DLC1: variants seen among roughly 807,000 people sequenced by gnomAD.
DLC1 encodes the protein DLC1 Rho GTPase activating protein.
DLC1 carries 54 observed loss-of-function variants against 140.3 expected under a neutral mutation model. The ratio of observed to expected loss-of-function variants is 0.38; its 90% CI spans 0.31 to 0.48. The LOEUF (loss-of-function observed/expected upper bound fraction) is 0.48, where lower values mean the gene tolerates loss of function less well. Among genes scored for constraint, DLC1 ranks in the 20% least tolerant of loss-of-function variants. The probability of loss-of-function intolerance (pLI) is 0.96; values close to 1 mark genes in which losing one functional copy is unlikely to be tolerated. For missense variants in DLC1, 2,536 were observed against 1,907.0 expected (o/e 1.33, Z -6.14); for synonymous variants, 986 against 728.1 (o/e 1.35, Z -5.70).
chr8:13,334,193 T>C (rs148784167), intron 4 of DLC1, among the ~76,000 whole-genome samples: 59 of 152,100 alleles, frequency 3.9e-4, no homozygotes, highest in African/African-American at 1.3e-3. Flanking sequence ...GGAGATAGCA[T>C]TGCAAGCAGT....
intron 5 of DLC1, among the ~76,000 whole-genome samples, chr8:13,177,029 T>C (rs1013135852): frequency 6.6e-6 from 1 of 152,234 alleles, no homozygotes; most frequent in Non-Finnish European, 1.5e-5. Flanking sequence ...TTGAATCTAA[T>C]CTAAACTATC....
chr8:13,316,235 G>A (rs1832855284), intron 4 of DLC1, among the ~76,000 whole-genome samples: 1 of 152,308 alleles, frequency 6.6e-6, no homozygotes, highest in East Asian at 1.9e-4. Flanking sequence ...GCAGCAGCCT[G>A]TAGGACTCAC....
chr8:13,531,389 C>A (rs1450976705), intron 1 of DLC1, among the ~76,000 whole-genome samples: 1 of 152,096 alleles, frequency 6.6e-6, no homozygotes, highest in South Asian at 2.1e-4. Context: ...AGTTCAAGAC[C>A]AGCCTGGCCA....
At chr8:13,549,368 G>A (rs1243289192) in intron 1 of DLC1, among the ~76,000 whole-genome samples, 2 of 152,116 alleles carry the variant, frequency 1.3e-5, no homozygotes, top group Admixed American at 6.6e-5. Flanking sequence ...ACTACAAGCT[G>A]TATTAGAAAG....
At chr8:13,377,937 C>T (rs893408657) in intron 4 of DLC1, among the ~76,000 whole-genome samples, 2 of 151,418 alleles carry the variant, frequency 1.3e-5, no homozygotes, top group Non-Finnish European at 3.0e-5. Flanking sequence ...AAGCAAGGTA[C>T]TACTACACTT....
chr8:13,331,120 G>A (rs151108173), intron 4 of DLC1, among the ~76,000 whole-genome samples: 1 of 152,260 alleles, frequency 6.6e-6, no homozygotes, highest in African/African-American at 2.4e-5. Context: ...GTCTCTTATT[G>A]CAGCCTTCTA....
chr8:13,386,220 T>C (rs1261015065), intron 4 of DLC1, among the ~76,000 whole-genome samples: 1 of 152,198 alleles, frequency 6.6e-6, no homozygotes, highest in Non-Finnish European at 1.5e-5. Flanking sequence ...TTTTAAATAT[T>C]ATTTCTTATG....
At chr8:13,123,548 G>A (rs1004563786) in intron 5 of DLC1, among the ~76,000 whole-genome samples, 8 of 147,972 alleles carry the variant, frequency 5.4e-5, no homozygotes, top group South Asian at 2.1e-4. Context: ...TGGTTTCACC[G>A]TGGTGGTCAG....
chr8:13,524,614 C>T (rs765868177), intron 1 of DLC1, among the ~76,000 whole-genome samples: 8 of 152,074 alleles, frequency 5.3e-5, no homozygotes, highest in Non-Finnish European at 1.0e-4. Flanking sequence ...AAACATGATA[C>T]ATCTGGGTGC....
At position 13,088,526 on chromosome 8, in the gene DLC1, C is replaced by T. The variant is rs1010305420; in HGVS notation, c.4253G>A (p.Ser1418Asn). 6 of 1,614,112 alleles carry T rather than the reference C, an allele frequency of 3.7e-6. No homozygotes were observed. The highest frequency in any genetic ancestry group is 5.1e-6 in the Non-Finnish European group (6 of 1,180,050). Residue 1418 changes from serine (S) to asparagine (N), a missense_variant, in exon 16 of 18, where the codon AGT (serine) becomes AAT (asparagine). Physicochemically the swap from Ser to Asn is conservative, Grantham distance 46. Coordinates refer to ENST00000276297, the MANE Select transcript of DLC1 (RefSeq NM_182643.3). ...QTEIYQYVQN[S>N]MAPHPARDYV... ...GTCTCGAGCAGGATGAGGTGCCATA[C>T]TGTTTTGGACATACTGGTAAATTTC... is the stretch of plus-strand genomic sequence containing the variant.
intron 2 of DLC1, among the ~76,000 whole-genome samples, chr8:13,494,051 G>C (rs1473812817): frequency 6.6e-5 from 10 of 152,152 alleles, no homozygotes; most frequent in Non-Finnish European, 1.3e-4. Flanking sequence ...TATGAGAAAT[G>C]ATATAGCATC....
intron 5 of DLC1, among the ~76,000 whole-genome samples, chr8:13,160,937 C>A (rs569833693): frequency 3.9e-5 from 6 of 152,166 alleles, no homozygotes; most frequent in African/African-American, 1.4e-4. Flanking sequence ...AAAAATTAGC[C>A]AGGTGTGGTG....
intron 16 of DLC1, 80 bp from the exon 17 acceptor site, chr8:13,086,543 T>A: frequency 6.5e-7 from 1 of 1,535,860 alleles, no homozygotes. Flanking sequence ...TCTTCACTAT[T>A]TGCAGTGTGG....
chr8:13,237,719 G>A (rs1184382718), intron 5 of DLC1, among the ~76,000 whole-genome samples: 1 of 152,032 alleles, frequency 6.6e-6, no homozygotes, highest in Non-Finnish European at 1.5e-5. Context: ...ATGCTATTCC[G>A]GGAGATGGTC....
chr8:13,418,438 G>A (rs1195143235), intron 2 of DLC1, among the ~76,000 whole-genome samples: 1 of 152,156 alleles, frequency 6.6e-6, no homozygotes, highest in Non-Finnish European at 1.5e-5. Flanking sequence ...CATAAGGCTA[G>A]CCAGTTTTCC....
intron 5 of DLC1, 80 bp downstream of exon 5, chr8:13,305,189 A>T: frequency 6.4e-7 from 1 of 1,556,704 alleles, no homozygotes; most frequent in East Asian, 2.3e-5. Flanking sequence ...CATTTTATAT[A>T]TTTAATAAAA....
intron 3 of DLC1, 62 bp from the exon 4 acceptor site, chr8:13,393,755 C>A (rs1022100646): frequency 2.2e-5 from 35 of 1,559,120 alleles, no homozygotes; most frequent in Non-Finnish European, 3.0e-5. Flanking sequence ...GCCCTTCTTC[C>A]TACCACCAGA....
intron 4 of DLC1, among the ~76,000 whole-genome samples, chr8:13,330,878 G>T (rs187712992): frequency 4.3e-4 from 65 of 152,290 alleles, no homozygotes; most frequent in Admixed American, 2.1e-3. Context: ...GTGGAAACAG[G>T]TTAGCCTTAT....
chr8:13,386,444 C>T (rs915256469), intron 4 of DLC1, among the ~76,000 whole-genome samples: 9 of 152,038 alleles, frequency 5.9e-5, no homozygotes, highest in Admixed American at 1.3e-4. Context: ...AAGTTATTCT[C>T]GACAGAATGA....
Sources: gnomAD v4.1 joint callset for allele counts (sites outside exome capture counted in the v4.1 genomes callset) on GRCh38, gnomAD v4.1.1 for gene constraint, MANE v1.5 for transcripts, NCBI Gene and HGNC (gene_info 2026-07-23, HGNC 2026-07-21) for gene names.